Variants in ZC3H12B observed in about 807,000 individuals in gnomAD.
ZC3H12B encodes zinc finger CCCH-type containing 12B, also known as probable ribonuclease ZC3H12B.
Under a neutral mutation model 43.9 loss-of-function variants are expected in ZC3H12B, and 7 were observed. That is an observed-to-expected ratio of 0.16 (90% CI 0.09 to 0.30). ZC3H12B has a LOEUF of 0.30. Among genes scored for constraint, ZC3H12B ranks in the 10% least tolerant of loss-of-function variants. ZC3H12B has a pLI of 1.00. For missense variants in ZC3H12B, 475 were observed against 670.2 expected (o/e 0.71, Z 3.22); for synonymous variants, 222 against 241.7 (o/e 0.92, Z 0.76).
chrX:65,209,813 G>C, the ZC3H12B span, among the ~76,000 whole-genome samples: 3 of 100,362 alleles, frequency 3.0e-5, no homozygotes, highest in African/African-American at 3.9e-5. Flanking sequence ...AACAAGCAAT[G>C]GGGAAAGGAT....
At chrX:65,131,117 G>T in the ZC3H12B span, among the ~76,000 whole-genome samples, 32 of 112,005 alleles carry the variant, frequency 2.9e-4, no homozygotes, top group African/African-American at 1.0e-3. Context: ...TAATCCTTTT[G>T]TAAGAGTGTG....
At chrX:65,304,509 G>A in the ZC3H12B span, among the ~76,000 whole-genome samples, 3 of 109,082 alleles carry the variant, frequency 2.8e-5, no homozygotes, top group Non-Finnish European at 5.7e-5. Context: ...CCGGCTACTC[G>A]GGAGGCTGAG....
chrX:65,230,030 A>C, the ZC3H12B span, among the ~76,000 whole-genome samples: 1 of 111,397 alleles, frequency 9.0e-6, no homozygotes, highest in South Asian at 3.8e-4. Flanking sequence ...CCATCCCATT[A>C]CTGGGTATAT....
At chrX:65,059,039 C>T in the ZC3H12B span, among the ~76,000 whole-genome samples, 1 of 111,928 alleles carries the variant, frequency 8.9e-6, no homozygotes, top group African/African-American at 3.2e-5. Context: ...GTGGTGATGC[C>T]TTGCCCTGCT....
chrX:65,119,240 A>G, the ZC3H12B span, among the ~76,000 whole-genome samples: 33 of 111,334 alleles, frequency 3.0e-4, no homozygotes, highest in East Asian at 5.7e-4. Flanking sequence ...CTTCCACAAG[A>G]GTTGAACTAG....
the ZC3H12B span, among the ~76,000 whole-genome samples, chrX:65,165,695 T>C: frequency 8.9e-6 from 1 of 112,685 alleles, no homozygotes; most frequent in African/African-American, 3.2e-5. Context: ...CAGTCTATCA[T>C]TGATCAACAT....
At chrX:65,219,783 A>T in the ZC3H12B span, among the ~76,000 whole-genome samples, 1 of 105,367 alleles carries the variant, frequency 9.5e-6, no homozygotes, top group South Asian at 4.2e-4. Context: ...AGACATCCAA[A>T]TACAAGAAGC....
intron 3 of ZC3H12B, among the ~76,000 whole-genome samples, chrX:65,465,832 G>T (rs1453489592): frequency 9.2e-6 from 1 of 108,726 alleles, no homozygotes; most frequent in Non-Finnish European, 1.9e-5. Flanking sequence ...ACTTTATTTA[G>T]GTATATTTAA....
At chrX:65,065,315 G>A in the ZC3H12B span, among the ~76,000 whole-genome samples, 1 of 111,503 alleles carries the variant, frequency 9.0e-6, no homozygotes, top group East Asian at 2.8e-4. Context: ...CTTCCTTCAG[G>A]AGCTCTTGTA....
At chrX:65,322,626 G>A in the ZC3H12B span, among the ~76,000 whole-genome samples, 3 of 111,885 alleles carry the variant, frequency 2.7e-5, no homozygotes, top group Admixed American at 9.5e-5. Context: ...CCAGTACCAT[G>A]TTGTTTCGAT....
chrX:65,252,862 A>G, the ZC3H12B span, among the ~76,000 whole-genome samples: 1 of 112,150 alleles, frequency 8.9e-6, no homozygotes, highest in African/African-American at 3.2e-5. Context: ...AAATTTCCTC[A>G]AGAATAAATA....
the ZC3H12B span, among the ~76,000 whole-genome samples, chrX:65,115,053 TTTTA>T: frequency 0.076 from 8,135 of 107,225 alleles, 945 homozygotes; most frequent in African/African-American, 0.27. Flanking sequence ...TTTTATTTTT[TTTTA>T]TTTTTCTGTT....
At chrX:65,225,708 T>C in the ZC3H12B span, among the ~76,000 whole-genome samples, 1 of 111,750 alleles carries the variant, frequency 8.9e-6, no homozygotes, top group Non-Finnish European at 1.9e-5. Context: ...AAGCCAAGGC[T>C]CGAGAACTAC....
the ZC3H12B span, among the ~76,000 whole-genome samples, chrX:65,128,734 A>G: frequency 8.9e-6 from 1 of 112,042 alleles, no homozygotes; most frequent in Admixed American, 9.5e-5. Flanking sequence ...AAGCTCTATT[A>G]TTTAGTGCAT....
At chrX:65,169,002 T>A in the ZC3H12B span, among the ~76,000 whole-genome samples, 2 of 111,565 alleles carry the variant, frequency 1.8e-5, no homozygotes, top group African/African-American at 6.5e-5. Flanking sequence ...GAGTCATTGA[T>A]TTTTAAAGGG....
chrX:65,125,989 A>G, the ZC3H12B span, among the ~76,000 whole-genome samples: 476 of 107,750 alleles, frequency 4.4e-3, 3 homozygotes, highest in African/African-American at 0.015. Context: ...TTGAGATATG[A>G]GGTACTATTC....
At chrX:65,462,451 G>T (rs962342087) in intron 3 of ZC3H12B, among the ~76,000 whole-genome samples, 3 of 111,714 alleles carry the variant, frequency 2.7e-5, no homozygotes, top group African/African-American at 9.8e-5. Flanking sequence ...GGTGGAATTT[G>T]CAGTGAGATC....
chrX:65,408,015 G>A lies in ZC3H12B; in HGVS notation n.407+9311G>A, dbSNP rs1161488045. ...TTTCCGGCTTAATTTTCCTCGGCGGGATTAAAGTTGGAAATTGACCGGAGA... is the reference window on the plus strand; with the variant it reads ...TTTCCGGCTTAATTTTCCTCGGCGGAATTAAAGTTGGAAATTGACCGGAGA... On this transcript the variant is annotated intron_variant and non_coding_transcript_variant, in intron 3 of 5. Coordinates refer to the ZC3H12B transcript ENST00000617377. 15 of 1,087,677 alleles carry A rather than the reference G, an allele frequency of 1.4e-5. No individual in the cohort carries two copies. The African/African-American group carries it at 2.6e-4, about 19-fold the overall frequency. 89.6% of individuals were successfully genotyped at this position (1,087,677 alleles called of 1,213,427 possible).
intron 2 of ZC3H12B, among the ~76,000 whole-genome samples, chrX:65,382,008 G>T: frequency 9.0e-6 from 1 of 111,545 alleles, no homozygotes. Context: ...ATTCACAGCC[G>T]ATTCTACCAG....
Sources: allele counts gnomAD v4.1 joint callset (sites outside exome capture counted in the v4.1 genomes callset), GRCh38; gene constraint gnomAD v4.1.1; transcripts MANE v1.5; gene names NCBI Gene and HGNC (gene_info 2026-07-23, HGNC 2026-07-21).